PLGRKT: variants seen among roughly 807,000 people sequenced by gnomAD.
The protein encoded by PLGRKT is plasminogen receptor (KT).
In PLGRKT, 22 loss-of-function variants were observed where a neutral mutation model predicts 18.5. The ratio of observed to expected loss-of-function variants is 1.19; its 90% confidence interval spans 0.85 to 1.70. PLGRKT has a LOEUF of 1.70. Ranked by LOEUF, PLGRKT falls within the 40% of genes most tolerant of loss-of-function variation. PLGRKT has a pLI of 0.00. For synonymous variants in PLGRKT, 72 were observed against 52.8 expected (o/e 1.36, Z -1.58); for missense variants, 235 against 174.4 (o/e 1.35, Z -1.96).
At chr9:5,373,175 G>C (rs577547536) in intron 3 of PLGRKT, among the ~76,000 whole-genome samples, 1 of 152,136 alleles carries the variant, frequency 6.6e-6, no homozygotes, top group Admixed American at 6.5e-5. Flanking sequence ...AAATTATTCC[G>C]TTTAAATCTC....
rs922370204 is a variant in PLGRKT at position 5,424,784 on chromosome 9, G to A, written c.81+7113C>T. Among the ~76,000 whole-genome samples the A allele has an allele frequency of 2.7e-5, 4 of 148,506 alleles. No homozygotes were observed. The Admixed American group carries it at 2.7e-4, about 10-fold the overall frequency. On this transcript the variant is annotated intron_variant, in intron 3 of 5. Transcript: ENST00000223864. ...TTGCCCGGGCTGGTCCCAAACTCCT[G>A]GGCTTAAGTGATCCTCCTCCCAAGT... is the stretch of plus-strand genomic sequence containing the variant.
At chr9:5,358,740 G>C (rs971703479) in intron 5 of PLGRKT, among the ~76,000 whole-genome samples, 2 of 152,100 alleles carry the variant, frequency 1.3e-5, no homozygotes, top group African/African-American at 4.8e-5. Context: ...AGAAAGTAAA[G>C]TTTACTACAA....
chr9:5,415,928 T>C (rs1818450074), intron 3 of PLGRKT, among the ~76,000 whole-genome samples: 1 of 147,242 alleles, frequency 6.8e-6, no homozygotes, highest in Non-Finnish European at 1.5e-5. Flanking sequence ...AAAAGGGACT[T>C]TAGGAAAAAA....
At position 5,388,366 on chromosome 9, in the gene PLGRKT, G is replaced by A. The variant is rs184909768; in HGVS notation, c.82-26478C>T. On this transcript the variant is annotated intron_variant, in intron 3 of 5. Transcript: ENST00000223864. ...TGGGTGAGATGAGCACTGAGATATCGCAAGCTTGTCATTCATTAGTAAACA... is the reference window on the plus strand; with the variant it reads ...TGGGTGAGATGAGCACTGAGATATCACAAGCTTGTCATTCATTAGTAAACA... Among the ~76,000 whole-genome samples, 188 of 152,038 alleles carry A rather than the reference G, an allele frequency of 1.2e-3. 1 individual carries two copies. The highest frequency in any genetic ancestry group is 4.6e-3 in the South Asian group (22 of 4,830).
At chr9:5,406,604 T>C (rs930400825) in intron 3 of PLGRKT, among the ~76,000 whole-genome samples, 5 of 150,976 alleles carry the variant, frequency 3.3e-5, no homozygotes, top group African/African-American at 1.2e-4. Flanking sequence ...CTGGGGCCTG[T>C]TGGGGGAGGG....
intron 3 of PLGRKT, among the ~76,000 whole-genome samples, chr9:5,393,433 A>T (rs935787738): frequency 2.0e-5 from 3 of 151,426 alleles, no homozygotes; most frequent in African/African-American, 7.3e-5. Flanking sequence ...ATGCTGTAAA[A>T]CCCCAATATG....
At chr9:5,397,376 C>G (rs1380012424) in intron 3 of PLGRKT, among the ~76,000 whole-genome samples, 1 of 151,876 alleles carries the variant, frequency 6.6e-6, no homozygotes, top group East Asian at 1.9e-4. Flanking sequence ...TTCATCATAG[C>G]ACTTAGCTCG....
rs142522636 is a variant in PLGRKT, at chr9:5,425,933, T to C, written c.81+5964A>G. Among the ~76,000 whole-genome samples the C allele has an allele frequency of 6.1e-3, 930 of 152,360 alleles. 6 individuals carry two copies. The highest frequency in any genetic ancestry group is 0.021 in the African/African-American group (892 of 41,576). On this transcript the variant is annotated intron_variant, in intron 3 of 5. Transcript: ENST00000223864. ...TCTAATAAACGTTTTGCTTTATTTC[T>C]TCTATTTATCCTTCTCATGAGGTGC...
chr9:5,422,566 T>A (rs1818598514), intron 3 of PLGRKT, among the ~76,000 whole-genome samples: 1 of 152,204 alleles, frequency 6.6e-6, no homozygotes, highest in Non-Finnish European at 1.5e-5. Flanking sequence ...GTCATAATAA[T>A]CAACTATAGT....
At chr9:5,369,827 C>G (rs1817478673) in intron 3 of PLGRKT, among the ~76,000 whole-genome samples, 2 of 152,082 alleles carry the variant, frequency 1.3e-5, no homozygotes, top group South Asian at 2.1e-4. Context: ...TCTCAGCAAA[C>G]TAACACAGGA....
chr9:5,427,207 C>T (rs1818718628), intron 3 of PLGRKT, among the ~76,000 whole-genome samples: 1 of 152,180 alleles, frequency 6.6e-6, no homozygotes, highest in South Asian at 2.1e-4. Context: ...TGTAGCCAAG[C>T]TGTCCACACT....
intron 3 of PLGRKT, among the ~76,000 whole-genome samples, chr9:5,369,981 C>G (rs1022438920): frequency 6.6e-6 from 1 of 152,052 alleles, no homozygotes; most frequent in African/African-American, 2.4e-5. Context: ...GGAGAAATAC[C>G]TAATGTAGAT....
intron 3 of PLGRKT, among the ~76,000 whole-genome samples, chr9:5,391,333 G>A (rs1205943193): frequency 2.6e-5 from 4 of 151,874 alleles, no homozygotes; most frequent in East Asian, 1.9e-4. Context: ...AAACATTGCC[G>A]GGGAAATAAA....
intron 3 of PLGRKT, among the ~76,000 whole-genome samples, chr9:5,363,435 G>A (rs1817312647): frequency 6.6e-6 from 1 of 151,824 alleles, no homozygotes; most frequent in African/African-American, 2.4e-5. Context: ...TTGGACTCTG[G>A]TAGGCCACCT....
chr9:5,421,598 T>C (rs1818576253), intron 3 of PLGRKT, among the ~76,000 whole-genome samples: 1 of 152,226 alleles, frequency 6.6e-6, no homozygotes. Context: ...AAATGGCACA[T>C]CTAATAAGAA....
At chr9:5,376,979 T>G (rs963997111) in intron 3 of PLGRKT, among the ~76,000 whole-genome samples, 5 of 152,218 alleles carry the variant, frequency 3.3e-5, no homozygotes, top group African/African-American at 1.2e-4. Flanking sequence ...ATTCAAAAAT[T>G]TATAATTTTT....
At chr9:5,412,678 T>C (rs1258520850) in intron 3 of PLGRKT, among the ~76,000 whole-genome samples, 2 of 152,192 alleles carry the variant, frequency 1.3e-5, no homozygotes, top group Admixed American at 6.5e-5. Flanking sequence ...AAGACAAAAG[T>C]ACCACAGGAA....
At chr9:5,429,611 T>C (rs909577566) in intron 3 of PLGRKT, among the ~76,000 whole-genome samples, 1 of 152,178 alleles carries the variant, frequency 6.6e-6, no homozygotes, top group Non-Finnish European at 1.5e-5. Flanking sequence ...AATTGTATGG[T>C]CTTGTATCCA....
chr9:5,386,511 A>G lies in PLGRKT; in HGVS notation c.82-24623T>C, dbSNP rs532791453. 1.8e-3 allele frequency among the ~76,000 whole-genome samples: 273 copies of G among 151,900 alleles called. 8 individuals carry two copies. Among genetic ancestry groups the G allele is most frequent in the African/African-American group, 6.1e-3 (251 of 41,222 alleles). On this transcript the variant is annotated intron_variant, in intron 3 of 5. Transcript: ENST00000223864. ...GTGGACCCCCACACACACACAACAAAACAATTTTCACTTCCAAATGTCAAT... is the reference window on the plus strand; with the variant it reads ...GTGGACCCCCACACACACACAACAAGACAATTTTCACTTCCAAATGTCAAT...
Sources: allele counts gnomAD v4.1 joint callset (sites outside exome capture counted in the v4.1 genomes callset), GRCh38; gene constraint gnomAD v4.1.1; transcripts MANE v1.5; gene names NCBI Gene and HGNC (gene_info 2026-07-23, HGNC 2026-07-21).